The following RPS6KC1 variants were observed in gnomAD, a reference collection of about 807,000 sequenced individuals.
RPS6KC1 encodes ribosomal protein S6 kinase C1.
Under a neutral mutation model 103.8 loss-of-function variants are expected in RPS6KC1, and 54 were observed. That is an observed-to-expected ratio of 0.52 (90% CI 0.42 to 0.65). The LOEUF (loss-of-function observed/expected upper bound fraction) is 0.65, where lower values mean the gene tolerates loss of function less well. Among genes scored for constraint, RPS6KC1 ranks in the 30% least tolerant of loss-of-function variants. The pLI is 0.00. For missense variants in RPS6KC1, 1,151 were observed against 1,253.8 expected, an observed-to-expected ratio of 0.92 and a Z score of 1.24; for synonymous variants, 439 against 438.7, an observed-to-expected ratio of 1.00 and a Z score of -0.01.
At chr1:213,179,394 AAC>A (rs2092112226) in intron 8 of RPS6KC1, among the ~76,000 whole-genome samples, 1 of 151,960 alleles carries the variant, frequency 6.6e-6, no homozygotes, top group African/African-American at 2.4e-5. Context: ...CAGCCTGGGC[AAC>A]AGAGCCAGAC....
At chr1:213,155,134 C>T (rs574197370) in intron 6 of RPS6KC1, among the ~76,000 whole-genome samples, 1 of 152,302 alleles carries the variant, frequency 6.6e-6, no homozygotes, top group South Asian at 2.1e-4. Context: ...AGATGCAAGA[C>T]AAAGTCCTCC....
At chr1:213,363,598 CTCGCTCGCTTGCTTGCTTGCTTGCTT>C in the RPS6KC1 span, among the ~76,000 whole-genome samples, 2 of 65,304 alleles carry the variant, frequency 3.1e-5, 1 homozygote, top group African/African-American at 1.4e-4. Context: ...TTAGCCCTTG[CTCGCTCGCTTGCTTGCTTGCTTGCTT>C]GCTTTCTTTC....
intron 6 of RPS6KC1, among the ~76,000 whole-genome samples, chr1:213,138,407 A>G (rs1347346000): frequency 2.0e-5 from 3 of 152,076 alleles, no homozygotes; most frequent in African/African-American, 7.2e-5. Flanking sequence ...GGTTCGTTAC[A>G]TAGGTAAATT....
chr1:213,822,851 A>G, the RPS6KC1 span, among the ~76,000 whole-genome samples: 2 of 152,312 alleles, frequency 1.3e-5, no homozygotes, highest in South Asian at 4.1e-4. Context: ...TAGTGTAATG[A>G]CATCCTAACT....
At chr1:213,449,562 A>G in the RPS6KC1 span, among the ~76,000 whole-genome samples, 3 of 151,898 alleles carry the variant, frequency 2.0e-5, no homozygotes, top group East Asian at 5.8e-4. Context: ...CCCTCATTCA[A>G]CCTTAATTAC....
At chr1:213,520,766 T>A in the RPS6KC1 span, among the ~76,000 whole-genome samples, 1 of 152,200 alleles carries the variant, frequency 6.6e-6, no homozygotes, top group African/African-American at 2.4e-5. Flanking sequence ...ACCTAGGGAT[T>A]CATTTAGGTT....
chr1:213,205,693 A>G (rs890320272), intron 8 of RPS6KC1, among the ~76,000 whole-genome samples: 7 of 151,050 alleles, frequency 4.6e-5, no homozygotes, highest in East Asian at 1.9e-4. Context: ...ATGCAACCAT[A>G]TATTTTTGAC....
At chr1:213,558,435 C>T in the RPS6KC1 span, among the ~76,000 whole-genome samples, 20,593 of 152,078 alleles carry the variant, frequency 0.14, 1,600 homozygotes, top group Non-Finnish European at 0.17. Flanking sequence ...TGATTATCTA[C>T]CATTTGGGGT....
At chr1:213,593,640 A>G in the RPS6KC1 span, among the ~76,000 whole-genome samples, 1 of 152,056 alleles carries the variant, frequency 6.6e-6, no homozygotes, top group Non-Finnish European at 1.5e-5. Context: ...AATGGAAGGG[A>G]CCTGAAAGAG....
At chr1:213,619,879 G>C in the RPS6KC1 span, among the ~76,000 whole-genome samples, 2 of 152,196 alleles carry the variant, frequency 1.3e-5, no homozygotes, top group Non-Finnish European at 1.5e-5. Flanking sequence ...AAATAGAAGA[G>C]AGAACTACAT....
chr1:213,161,893 C>T (rs1451637985), intron 6 of RPS6KC1, among the ~76,000 whole-genome samples: 1 of 152,142 alleles, frequency 6.6e-6, no homozygotes, highest in Non-Finnish European at 1.5e-5. Flanking sequence ...TTATTGGACT[C>T]TAGATTCTTC....
intron 14 of RPS6KC1, among the ~76,000 whole-genome samples, chr1:213,264,424 A>G (rs1239891906): frequency 6.6e-6 from 1 of 152,202 alleles, no homozygotes; most frequent in Non-Finnish European, 1.5e-5. Flanking sequence ...TAAGTAGTTT[A>G]GGAAAGACTG....
the RPS6KC1 span, among the ~76,000 whole-genome samples, chr1:213,350,404 A>G: frequency 6.6e-6 from 1 of 152,192 alleles, no homozygotes; most frequent in African/African-American, 2.4e-5. Flanking sequence ...GCTATCGAGG[A>G]GTCCTGGTAA....
At chr1:213,794,774 G>A in the RPS6KC1 span, among the ~76,000 whole-genome samples, 1 of 152,084 alleles carries the variant, frequency 6.6e-6, no homozygotes, top group African/African-American at 2.4e-5. Flanking sequence ...GCCCCAAAGT[G>A]CCCACATCCA....
the RPS6KC1 span, among the ~76,000 whole-genome samples, chr1:213,504,202 C>T: frequency 1.3e-5 from 2 of 152,294 alleles, no homozygotes; most frequent in Non-Finnish European, 2.9e-5. Context: ...CCAAGATTCA[C>T]TGCACATAAC....
At chr1:213,619,370 C>T in the RPS6KC1 span, among the ~76,000 whole-genome samples, 8 of 152,308 alleles carry the variant, frequency 5.3e-5, no homozygotes, top group South Asian at 2.1e-4. Flanking sequence ...CTTACATTTC[C>T]GAACCAGGTT....
intron 6 of RPS6KC1, among the ~76,000 whole-genome samples, chr1:213,152,817 T>C (rs2089363023): frequency 6.6e-6 from 1 of 152,012 alleles, no homozygotes; most frequent in Non-Finnish European, 1.5e-5. Flanking sequence ...GCAGAGATGC[T>C]CCTCACTTCC....
At chr1:213,071,074 T>A in intron 2 of RPS6KC1, 33 bp downstream of exon 2, 1 of 1,361,162 alleles carries the variant, frequency 7.3e-7, no homozygotes, top group Non-Finnish European at 1.0e-6. Flanking sequence ...ATTTTATGTA[T>A]TTGATAAAAA....
chr1:213,392,307 G>A, the RPS6KC1 span, among the ~76,000 whole-genome samples: 1 of 152,164 alleles, frequency 6.6e-6, no homozygotes, highest in African/African-American at 2.4e-5. Context: ...GGGAAGGCAG[G>A]AGAAATAGTA....
Sources: allele counts gnomAD v4.1 joint callset (sites outside exome capture counted in the v4.1 genomes callset), GRCh38; gene constraint gnomAD v4.1.1; transcripts MANE v1.5; gene names NCBI Gene and HGNC (gene_info 2026-07-23, HGNC 2026-07-21).